Variants in CDK8 observed in about 807,000 individuals in gnomAD.
The protein encoded by CDK8 is cyclin dependent kinase 8, also known as cyclin-dependent kinase 8.
CDK8 carries 29 observed loss-of-function variants against 71.5 expected under a neutral mutation model. That is an observed-to-expected ratio of 0.41 (90% confidence interval 0.30 to 0.55). CDK8 has a LOEUF of 0.55. CDK8 is among the 20% of genes least tolerant of loss of function. The pLI is 0.37. For missense variants in CDK8, 288 were observed against 572.6 expected (o/e 0.50, Z 5.07); for synonymous variants, 161 against 192.1 (o/e 0.84, Z 1.34).
intron 1 of CDK8, among the ~76,000 whole-genome samples, chr13:26,327,754 G>A (rs1236249827): frequency 3.3e-5 from 5 of 152,078 alleles, no homozygotes; most frequent in African/African-American, 9.7e-5. Context: ...GCTTGAACCC[G>A]GGAGGTGGAG....
chr13:26,385,340 T>C lies in CDK8; in HGVS notation c.644T>C (p.Ile215Thr). The C allele has an allele frequency of 6.2e-7, 1 of 1,603,022 alleles. No individual in the cohort carries two copies. Among genetic ancestry groups the C allele is most frequent in the Non-Finnish European group, 8.5e-7 (1 of 1,176,906 alleles). The change falls in exon 6 of 13, where the codon ATT becomes ACT. Residue 215 changes from isoleucine to threonine, a missense_variant and splice_region_variant. This residue lies in a region of CDK8 where 96 missense variants were observed against 229.8 expected (regional missense o/e 0.42). Coordinates refer to ENST00000381527, the MANE Select transcript of CDK8 (RefSeq NM_001260.3). ...LLGARHYTKA[I>T]DIWAIGCIFA... is the part of the protein sequence containing the mutation. The stretch of plus-strand genomic sequence containing the variant: ...GGAGCAAGGCATTATACCAAAGCTA[T>C]TGGTGAGTAGAACTAATTAAAATTC...
intron 1 of CDK8, among the ~76,000 whole-genome samples, chr13:26,302,944 G>A (rs1330624609): frequency 5.3e-5 from 8 of 152,102 alleles, no homozygotes; most frequent in African/African-American, 1.9e-4. Flanking sequence ...GGGCTCAAGC[G>A]ATCCTCTTGA....
Position 26,348,791 on chromosome 13 carries a change from C to T in CDK8, c.205-281C>T, listed in dbSNP as rs192920566. Among the ~76,000 whole-genome samples the T allele has an allele frequency of 3.6e-3, 546 of 152,220 alleles. 4 individuals are homozygous for T. The highest frequency in any genetic ancestry group is 3.3e-3 in the South Asian group (16 of 4,818). On this transcript the variant is annotated intron_variant, in intron 2 of 12. Transcript: ENST00000381527. ...TACACTTAAAAATGATTAAAATGGT[C>T]TTTTTATGTTAGATATATTTTACCA...
At chr13:26,305,986 A>G (rs1220348862) in intron 1 of CDK8, among the ~76,000 whole-genome samples, 1 of 151,412 alleles carries the variant, frequency 6.6e-6, no homozygotes, top group African/African-American at 2.4e-5. Flanking sequence ...ATTTTTTTTT[A>G]TACTGTATTT....
intron 1 of CDK8, among the ~76,000 whole-genome samples, chr13:26,316,782 C>T (rs937924709): frequency 1.3e-5 from 2 of 152,056 alleles, no homozygotes; most frequent in African/African-American, 4.8e-5. Context: ...CAACAAAAAT[C>T]ACAAGACATA....
intron 12 of CDK8, among the ~76,000 whole-genome samples, chr13:26,403,336 CTG>C (rs1282304834): frequency 6.6e-6 from 1 of 151,910 alleles, no homozygotes; most frequent in Admixed American, 6.6e-5. Flanking sequence ...TAGCAAGACT[CTG>C]TTCCTTCAAA....
intron 4 of CDK8, among the ~76,000 whole-genome samples, chr13:26,360,523 A>G (rs1333027730): frequency 6.6e-6 from 1 of 152,156 alleles, no homozygotes; most frequent in Non-Finnish European, 1.5e-5. Context: ...GAATGTTTAT[A>G]TCTAAAATCC....
chr13:26,271,500 A>C lies in CDK8; in HGVS notation c.128+16731A>C, dbSNP rs567737454. 4.6e-5 allele frequency among the ~76,000 whole-genome samples: 7 copies of C among 152,320 alleles called. No individual in the cohort carries two copies. In the South Asian group the frequency reaches 1.4e-3, roughly 32 times the overall value. ...TTAATATAGAAAAGGTATAGTAAAA[A>C]TATGGCATAAAAGGTAAAAAATGAG... On this transcript the variant is annotated intron_variant, in intron 1 of 12. Transcript: ENST00000381527.
At chr13:26,313,661 T>G (rs1874387846) in intron 1 of CDK8, among the ~76,000 whole-genome samples, 1 of 152,222 alleles carries the variant, frequency 6.6e-6, no homozygotes. Flanking sequence ...ATGTTAATAG[T>G]ATCACTTTTC....
At chr13:26,337,510 TA>T (rs1273987541) in intron 1 of CDK8, 56 bp from the exon 2 acceptor site, 2 of 661,248 alleles carry the variant, frequency 3.0e-6, no homozygotes, top group East Asian at 3.4e-5. Context: ...TTTTACTTTA[TA>T]AAAATGCACA....
chr13:26,397,838 TA>T (rs1282202420), intron 9 of CDK8, among the ~76,000 whole-genome samples: 1 of 152,188 alleles, frequency 6.6e-6, no homozygotes, highest in Non-Finnish European at 1.5e-5. Flanking sequence ...TTGTTTACAA[TA>T]AAATTTCCAT....
intron 1 of CDK8, among the ~76,000 whole-genome samples, chr13:26,330,908 G>C (rs555151082): frequency 6.6e-6 from 1 of 152,196 alleles, no homozygotes; most frequent in East Asian, 1.9e-4. Flanking sequence ...GCATGTGAGT[G>C]CAGGTATCAT....
At chr13:26,374,965 A>T (rs1416167821) in intron 4 of CDK8, among the ~76,000 whole-genome samples, 1 of 152,146 alleles carries the variant, frequency 6.6e-6, no homozygotes, top group Non-Finnish European at 1.5e-5. Context: ...CATTTTTTTT[A>T]AATTTAAGGA....
intron 2 of CDK8, among the ~76,000 whole-genome samples, chr13:26,339,063 A>G (rs1295030526): frequency 6.6e-6 from 1 of 152,126 alleles, no homozygotes; most frequent in Non-Finnish European, 1.5e-5. Context: ...AGAAAGAAGT[A>G]TGAAAGCCTA....
intron 4 of CDK8, among the ~76,000 whole-genome samples, chr13:26,377,046 T>C (rs1874988362): frequency 6.6e-6 from 1 of 152,266 alleles, no homozygotes; most frequent in Non-Finnish European, 1.5e-5. Flanking sequence ...TAGTCCTTGT[T>C]TTATAAAATA....
intron 1 of CDK8, among the ~76,000 whole-genome samples, chr13:26,279,418 C>T (rs896672830): frequency 2.0e-5 from 3 of 151,750 alleles, no homozygotes; most frequent in Non-Finnish European, 2.9e-5. Context: ...GCATCATGAA[C>T]GGTGGGACAG....
chr13:26,328,583 A>G (rs1410987972), intron 1 of CDK8, among the ~76,000 whole-genome samples: 1 of 152,208 alleles, frequency 6.6e-6, no homozygotes, highest in Non-Finnish European at 1.5e-5. Context: ...TGCAAAACTC[A>G]TTTTGAGAGG....
At chr13:26,369,758 A>G (rs1220410084) in intron 4 of CDK8, among the ~76,000 whole-genome samples, 1 of 122,226 alleles carries the variant, frequency 8.2e-6, no homozygotes, top group African/African-American at 3.2e-5. Flanking sequence ...GTGTTTCACC[A>G]TGTTAGCCAG....
chr13:26,376,425 T>A (rs991619070), intron 4 of CDK8, among the ~76,000 whole-genome samples: 3 of 152,196 alleles, frequency 2.0e-5, no homozygotes, highest in East Asian at 3.8e-4. Flanking sequence ...TTTACAGCTT[T>A]TCAAAAATGC....
Sources: allele counts gnomAD v4.1 joint callset (sites outside exome capture counted in the v4.1 genomes callset), GRCh38; gene constraint gnomAD v4.1.1; regional missense constraint gnomAD v4.1.1; transcripts MANE v1.5; gene names NCBI Gene and HGNC (gene_info 2026-07-23, HGNC 2026-07-21).